The following SKIL variants were observed in gnomAD, a reference collection of about 807,000 sequenced individuals.
SKIL encodes ski-like protein.
A neutral mutation model predicts 69.6 loss-of-function variants in SKIL; 20 were observed. That is an observed-to-expected ratio of 0.29 (90% CI 0.20 to 0.42). SKIL has a LOEUF of 0.42. Among genes scored for constraint, SKIL ranks in the 10% least tolerant of loss-of-function variants. The pLI is 1.00. For synonymous variants in SKIL, 310 were observed against 279.9 expected, an observed-to-expected ratio of 1.11 and a Z score of -1.08; for missense variants, 745 against 783.1, an observed-to-expected ratio of 0.95 and a Z score of 0.58.
Position 170,384,540 on chromosome 3 carries a change from T to A in SKIL, c.1204T>A (p.Leu402Ile), listed in dbSNP as rs1324167155. 1.3e-6 allele frequency: 2 copies of A among 1,542,216 alleles called. No homozygotes were observed. Among genetic ancestry groups the A allele is most frequent in the Non-Finnish European group, 1.8e-6 (2 of 1,120,554 alleles). The stretch of plus-strand genomic sequence containing the variant: ...GCTTTTACTTGTTTTCAGCTACTAC[T>A]TATACATGTGTGATAAAGTGGTTGC... ...THSFLHPSYY[L>I]YMCDKVVAPN... The change falls in exon 4 of 7, where the codon TTA (leucine) becomes ATA (isoleucine). Residue 402 changes from leucine (L) to isoleucine (I), a missense_variant. Leu to Ile is a conservative substitution (Grantham distance 5). Transcript: ENST00000259119.
chr3:170,369,068 T>G (rs1290457541), intron 2 of SKIL, among the ~76,000 whole-genome samples: 1 of 144,056 alleles, frequency 6.9e-6, no homozygotes, highest in Non-Finnish European at 1.5e-5. Flanking sequence ...ATGTGGACCC[T>G]CCCTATCCCT....
At chr3:170,380,892 A>G (rs182686785) in intron 2 of SKIL, among the ~76,000 whole-genome samples, 2,158 of 152,020 alleles carry the variant, frequency 0.014, 27 homozygotes, top group Non-Finnish European at 0.023. Flanking sequence ...TCATGGTTCA[A>G]TCATGGTTCA....
At chr3:170,358,321 G>T (rs1054585264) in intron 1 of SKIL, among the ~76,000 whole-genome samples, 1 of 151,772 alleles carries the variant, frequency 6.6e-6, no homozygotes, top group Non-Finnish European at 1.5e-5. Flanking sequence ...CGGCCCCCGC[G>T]GGGGGGCGGT....
chr3:170,388,235 T>TA (rs1737747573), intron 4 of SKIL, among the ~76,000 whole-genome samples: 1 of 152,188 alleles, frequency 6.6e-6, no homozygotes, highest in African/African-American at 2.4e-5. Flanking sequence ...TTCATGGTTT[T>TA]AATTTGCAAT....
At chr3:170,391,336 T>G (rs76707574) in intron 6 of SKIL, 76 bp downstream of exon 6, 9 of 809,062 alleles carry the variant, frequency 1.1e-5, no homozygotes, top group African/African-American at 1.1e-4. Flanking sequence ...TTTTTTTTTT[T>G]GAGACAGAGA....
chr3:170,361,156 A>G lies in SKIL; in HGVS notation c.825A>G (p.Leu275=), dbSNP rs748665550. 3.1e-6 allele frequency: 5 copies of G among 1,614,016 alleles called. No individual in the cohort carries two copies. The highest frequency in any genetic ancestry group is 2.7e-5 in the African/African-American group (2 of 74,916). ...AATGCCTAGGCAAATGTCAGGGTTT[A>G]TTTGCACCCCAGTTTTATGTTCAGC... ...EHECLGKCQG[L]FAPQFYVQPD... Residue 275 remains leucine, a synonymous_variant, in exon 2 of 7, where the codon TTA becomes TTG. Transcript: ENST00000259119.
At chr3:170,375,714 A>G (rs1736998505) in intron 2 of SKIL, among the ~76,000 whole-genome samples, 1 of 151,976 alleles carries the variant, frequency 6.6e-6, no homozygotes, top group African/African-American at 2.4e-5. Context: ...AGCTGAGACT[A>G]CAGGCATGCG....
chr3:170,368,031 A>G (rs926859394), intron 2 of SKIL, among the ~76,000 whole-genome samples: 76 of 152,152 alleles, frequency 5.0e-4, no homozygotes, highest in African/African-American at 1.8e-3. Context: ...CCCTCTTGCA[A>G]GCTTTTAATT....
Position 170,391,411 on chromosome 3 carries a change from G to A in SKIL, c.1896+151G>A, listed in dbSNP as rs192409867. 1,992 of 577,176 alleles carry A rather than the reference G, an allele frequency of 3.5e-3. 7 individuals are homozygous for A. The highest frequency in any genetic ancestry group is 5.3e-3 in the Non-Finnish European group (1,710 of 323,570). 35.8% of individuals were successfully genotyped at this position (577,176 alleles called of 1,614,324 possible). A position where few individuals can be genotyped will look rare whatever the true frequency, so the allele number is the denominator to read the frequency against. ...CAGCTCCCCACAACCTCTGCCTCCCGGGTTCAAGCAATTTTCCTGCCTCAG... is the reference window on the plus strand; with the variant it reads ...CAGCTCCCCACAACCTCTGCCTCCCAGGTTCAAGCAATTTTCCTGCCTCAG... On this transcript the variant is annotated intron_variant, in intron 6 of 6. Coordinates refer to ENST00000259119, the MANE Select transcript of SKIL (RefSeq NM_005414.5).
At chr3:170,371,153 T>G (rs1192364364) in intron 2 of SKIL, among the ~76,000 whole-genome samples, 1 of 152,194 alleles carries the variant, frequency 6.6e-6, no homozygotes, top group Non-Finnish European at 1.5e-5. Context: ...CATTTGCGTA[T>G]GTAATTGTAA....
At chr3:170,382,761 C>T (rs1323357652) in intron 3 of SKIL, among the ~76,000 whole-genome samples, 3 of 150,368 alleles carry the variant, frequency 2.0e-5, no homozygotes, top group South Asian at 4.2e-4. Flanking sequence ...CTCTGTTGCC[C>T]AGGCTGGAGT....
chr3:170,378,553 C>T (rs201025740), intron 2 of SKIL, among the ~76,000 whole-genome samples: 1,372 of 118,992 alleles, frequency 0.012, 27 homozygotes, highest in East Asian at 0.094. Flanking sequence ...CTCTCTCTCT[C>T]TTTTTTTTTT....
chr3:170,388,818 GA>G (rs1442897353), intron 4 of SKIL, among the ~76,000 whole-genome samples: 2 of 151,910 alleles, frequency 1.3e-5, no homozygotes, highest in African/African-American at 4.8e-5. Flanking sequence ...TCATATCTAA[GA>G]AACTATTGCC....
At chr3:170,358,453 C>G (rs1157053375) in intron 1 of SKIL, 1 of 152,486 alleles carries the variant, frequency 6.6e-6, no homozygotes, top group Admixed American at 6.5e-5. Context: ...TGTTCTCCCT[C>G]TCTCCGGGTT....
chr3:170,370,766 C>A (rs1736767315), intron 2 of SKIL, among the ~76,000 whole-genome samples: 1 of 151,570 alleles, frequency 6.6e-6, no homozygotes, highest in Non-Finnish European at 1.5e-5. Flanking sequence ...ATAGTTTGAC[C>A]CTGTCTTTAC....
chr3:170,373,260 G>A (rs187879929), intron 2 of SKIL, among the ~76,000 whole-genome samples: 1 of 151,732 alleles, frequency 6.6e-6, no homozygotes, highest in East Asian at 1.9e-4. Flanking sequence ...TCCACCTCCT[G>A]GGTTCAAGCG....
At position 170,392,243 on chromosome 3, in the gene SKIL, C is replaced by T. The variant is rs772327508; in HGVS notation, c.1897-16C>T. 4.5e-6 allele frequency: 7 copies of T among 1,563,232 alleles called. No individual in the cohort carries two copies. The South Asian group carries it at 8.5e-5, about 19-fold the overall frequency. ...ACAAAACAATTAAAATTGATAGCGC[C>T]TTTTAAATCACATAGTTGGCAGAAC... On this transcript the variant is annotated splice_polypyrimidine_tract_variant and intron_variant, in intron 6 of 6. Coordinates refer to ENST00000259119, the MANE Select transcript of SKIL (RefSeq NM_005414.5).
intron 2 of SKIL, among the ~76,000 whole-genome samples, chr3:170,362,512 AAAC>A (rs887141853): frequency 5.0e-4 from 60 of 120,092 alleles, no homozygotes; most frequent in Non-Finnish European, 8.6e-4. Flanking sequence ...AAACAAAACA[AAAC>A]AAACAAACAA....
intron 2 of SKIL, among the ~76,000 whole-genome samples, chr3:170,369,314 G>T (rs1338721003): frequency 6.6e-6 from 1 of 152,128 alleles, no homozygotes; most frequent in East Asian, 1.9e-4. Flanking sequence ...AGTAGGCCTG[G>T]ATCATCATAG....
Sources: allele counts gnomAD v4.1 joint callset (sites outside exome capture counted in the v4.1 genomes callset), GRCh38; gene constraint gnomAD v4.1.1; transcripts MANE v1.5; gene names NCBI Gene and HGNC (gene_info 2026-07-23, HGNC 2026-07-21).